WARS2: variants seen among roughly 807,000 people sequenced by gnomAD.
WARS2 encodes tryptophanyl tRNA synthetase 2, mitochondrial.
A neutral mutation model predicts 36.5 loss-of-function variants in WARS2; 28 were observed. The ratio of observed to expected loss-of-function variants is 0.77; its 90% CI spans 0.57 to 1.05. The LOEUF is 1.05. Ranked by LOEUF, WARS2 falls within the 50% of genes least tolerant of loss-of-function variation. WARS2 has a pLI of 0.00. For missense variants in WARS2, 435 were observed against 456.8 expected (o/e 0.95, Z 0.44); for synonymous variants, 174 against 178.4 (o/e 0.98, Z 0.20).
chr1:119,055,051 C>A (rs968682122), intron 2 of WARS2, among the ~76,000 whole-genome samples: 1 of 151,982 alleles, frequency 6.6e-6, no homozygotes, highest in African/African-American at 2.4e-5. Flanking sequence ...ATGTGTTTTA[C>A]AAATTTCAAA....
At chr1:119,046,556 C>A (rs1479693853) in intron 2 of WARS2, among the ~76,000 whole-genome samples, 1 of 150,680 alleles carries the variant, frequency 6.6e-6, no homozygotes, top group Non-Finnish European at 1.5e-5. Flanking sequence ...CAGGGTTTCA[C>A]CATCTTGACC....
chr1:119,126,933 A>C (rs776178178), intron 1 of WARS2: 93 of 749,038 alleles, frequency 1.2e-4, no homozygotes, highest in Non-Finnish European at 2.0e-4. Context: ...CAGATGAAGC[A>C]ATCATTGTCT....
At chr1:119,110,300 A>T (rs587668647) in intron 1 of WARS2, among the ~76,000 whole-genome samples, 2 of 152,018 alleles carry the variant, frequency 1.3e-5, no homozygotes, top group South Asian at 4.1e-4. Flanking sequence ...TTCTTTTAAC[A>T]TTTCTTGCAA....
At chr1:119,044,902 A>G (rs537850175) in intron 3 of WARS2, among the ~76,000 whole-genome samples, 43 of 152,134 alleles carry the variant, frequency 2.8e-4, no homozygotes, top group Non-Finnish European at 5.6e-4. Flanking sequence ...AGCTTTATCT[A>G]TTTCTTTCTG....
At chr1:119,131,692 AC>A (rs1196857529) in intron 1 of WARS2, among the ~76,000 whole-genome samples, 1 of 151,934 alleles carries the variant, frequency 6.6e-6, no homozygotes, top group Non-Finnish European at 1.5e-5. Context: ...TGATCTCCTG[AC>A]CTCGTGATCT....
At chr1:119,140,484 A>G in intron 1 of WARS2, 71 bp downstream of exon 1, 1 of 1,415,146 alleles carries the variant, frequency 7.1e-7, no homozygotes, top group South Asian at 1.2e-5. Flanking sequence ...AGAGAAATAA[A>G]TAGAGGGCAG....
rs1050933859 is a variant in WARS2 at position 119,032,255 on chromosome 1, T to C, written c.*656A>G. On this transcript the variant is annotated 3_prime_UTR_variant, in exon 6 of 6. Transcript: ENST00000235521. ...AATATAATTCAGGGACTTGGGCTCTTGTACAATAAATAAATCAGGTCAAAA... is the reference window on the plus strand; with the variant it reads ...AATATAATTCAGGGACTTGGGCTCTCGTACAATAAATAAATCAGGTCAAAA... The C allele has an allele frequency of 6.6e-6, 1 of 152,184 alleles. No homozygotes were observed. Among genetic ancestry groups the C allele is most frequent in the South Asian group, 2.1e-4 (1 of 4,828 alleles). 9.4% of individuals were successfully genotyped at this position (152,184 alleles called of 1,614,324 possible).
intron 1 of WARS2, among the ~76,000 whole-genome samples, chr1:119,101,730 A>C (rs587752839): frequency 1.5e-4 from 23 of 152,276 alleles, no homozygotes; most frequent in African/African-American, 5.3e-4. Flanking sequence ...GATCTGAACT[A>C]TCTCAAAGTT....
chr1:119,055,573 C>G (rs1386921617), intron 2 of WARS2, among the ~76,000 whole-genome samples: 2 of 151,984 alleles, frequency 1.3e-5, no homozygotes, highest in Non-Finnish European at 2.9e-5. Context: ...ACCCAGGAGG[C>G]AGAGGTTATA....
At chr1:119,116,228 T>C (rs901590602) in intron 1 of WARS2, among the ~76,000 whole-genome samples, 29 of 152,246 alleles carry the variant, frequency 1.9e-4, no homozygotes, top group South Asian at 2.1e-4. Context: ...GGAGTAAGTA[T>C]AGTTAGTAAG....
chr1:119,105,824 C>T (rs973766711), intron 1 of WARS2, among the ~76,000 whole-genome samples: 6 of 152,030 alleles, frequency 3.9e-5, no homozygotes, highest in Non-Finnish European at 2.9e-5. Context: ...GGCAGAGAAT[C>T]GCTTGAACCT....
intron 2 of WARS2, among the ~76,000 whole-genome samples, chr1:119,075,693 T>C (rs910323231): frequency 1.3e-5 from 2 of 152,172 alleles, no homozygotes; most frequent in Admixed American, 6.5e-5. Flanking sequence ...AATTTTCATC[T>C]TTTTCTAGGG....
At chr1:119,065,911 G>A (rs1269307983) in intron 2 of WARS2, among the ~76,000 whole-genome samples, 3 of 152,100 alleles carry the variant, frequency 2.0e-5, no homozygotes, top group Non-Finnish European at 1.5e-5. Context: ...GAGAGCTGTG[G>A]TATTAACCAA....
chr1:119,051,724 T>C (rs1649369808), intron 2 of WARS2, among the ~76,000 whole-genome samples: 2 of 151,648 alleles, frequency 1.3e-5, no homozygotes, highest in African/African-American at 2.4e-5. Context: ...ATTTTAACAA[T>C]AGCCATTCAG....
At chr1:119,086,074 G>C in intron 1 of WARS2, 1 of 1,089,180 alleles carries the variant, frequency 9.2e-7, no homozygotes. Context: ...TGCCCAGATT[G>C]GTCTCAAACT....
chr1:119,131,788 T>G (rs1656135878), intron 1 of WARS2, among the ~76,000 whole-genome samples: 1 of 151,780 alleles, frequency 6.6e-6, no homozygotes, highest in South Asian at 2.1e-4. Flanking sequence ...AAACGTTCTG[T>G]GGGAAGTCTG....
intron 1 of WARS2, among the ~76,000 whole-genome samples, chr1:119,114,373 T>TTTATAACAC (rs1180239151): frequency 3.3e-5 from 5 of 152,198 alleles, no homozygotes; most frequent in Non-Finnish European, 7.4e-5. Flanking sequence ...ACTGCTTTGC[T>TTTATAACAC]TGTTTTATAG....
intron 2 of WARS2, chr1:119,063,297 T>A (rs1650539207): frequency 6.6e-6 from 1 of 152,494 alleles, no homozygotes; most frequent in African/African-American, 2.4e-5. Context: ...AAAAGGTGAC[T>A]TAGATACTGT....
chr1:119,127,687 T>C (rs186075133), intron 1 of WARS2, among the ~76,000 whole-genome samples: 20 of 152,254 alleles, frequency 1.3e-4, no homozygotes, highest in African/African-American at 4.8e-4. Context: ...CACACTATTC[T>C]CAGCAAACTT....
Sources: gnomAD v4.1 joint callset for allele counts (sites outside exome capture counted in the v4.1 genomes callset) on GRCh38, gnomAD v4.1.1 for gene constraint, MANE v1.5 for transcripts, NCBI Gene and HGNC (gene_info 2026-07-23, HGNC 2026-07-21) for gene names.